The following FOXN3 variants were observed in gnomAD, a reference collection of about 807,000 sequenced individuals.
FOXN3 encodes the protein forkhead box N3.
A neutral mutation model predicts 38.4 loss-of-function variants in FOXN3; 7 were observed. That is an observed-to-expected ratio of 0.18 (90% confidence interval 0.10 to 0.34). The LOEUF (loss-of-function observed/expected upper bound fraction) is 0.34. Ranked by LOEUF, FOXN3 falls within the 10% of genes least tolerant of loss-of-function variation. FOXN3 has a pLI of 1.00. For missense variants in FOXN3, 456 were observed against 613.4 expected, an observed-to-expected ratio of 0.74 and a Z score of 2.71; for synonymous variants, 230 against 242.2, an observed-to-expected ratio of 0.95 and a Z score of 0.47.
intron 4 of FOXN3, among the ~76,000 whole-genome samples, chr14:89,260,253 A>T (rs116550430): frequency 0.02 from 3,115 of 152,308 alleles, 108 homozygotes; most frequent in African/African-American, 0.071. Flanking sequence ...CTGCTTTCAA[A>T]TGTGATCAAC....
At chr14:89,424,588 G>A (rs537685611) in intron 1 of FOXN3, among the ~76,000 whole-genome samples, 1 of 152,154 alleles carries the variant, frequency 6.6e-6, no homozygotes, top group South Asian at 2.1e-4. Flanking sequence ...TTAAGAATTT[G>A]TGGGGGAAGG....
At chr14:89,241,709 A>T (rs910021987) in intron 4 of FOXN3, among the ~76,000 whole-genome samples, 9 of 152,192 alleles carry the variant, frequency 5.9e-5, no homozygotes, top group Admixed American at 3.3e-4. Context: ...TCAGAATCCC[A>T]CGCTCCTGCC....
In FOXN3 at chr14:89,412,805, G is replaced by C. The variant is rs548334433; in HGVS notation, c.-14-315C>G. On this transcript the variant is annotated intron_variant, in intron 1 of 5. Coordinates refer to ENST00000557258, the MANE Select transcript of FOXN3 (RefSeq NM_005197.4). This position sits in a 1 kb window ranked among gnomAD's most constrained non-coding sequence, Gnocchi z 4.7. ...TCCCAGCACTTTGGGAGGCTGAGGCGGGACGATTGCTTGAGACCAGGAGAC... is the reference window on the plus strand; with the variant it reads ...TCCCAGCACTTTGGGAGGCTGAGGCCGGACGATTGCTTGAGACCAGGAGAC... 6.6e-6 allele frequency among the ~76,000 whole-genome samples: 1 copy of C among 152,086 alleles called. No individual in the cohort carries two copies. The highest frequency in any genetic ancestry group is 1.5e-5 in the Non-Finnish European group (1 of 68,008).
chr14:89,563,935 C>T (rs1459557410), intron 1 of FOXN3, among the ~76,000 whole-genome samples: 6 of 152,216 alleles, frequency 3.9e-5, no homozygotes, highest in African/African-American at 9.6e-5. Flanking sequence ...CTGCAAACTC[C>T]GCCTCCCAGG....
chr14:89,241,133 C>T (rs1885128644), intron 4 of FOXN3, among the ~76,000 whole-genome samples: 1 of 152,162 alleles, frequency 6.6e-6, no homozygotes, highest in African/African-American at 2.4e-5. Context: ...AGTGGCTGAG[C>T]CAGACACTCC....
chr14:89,285,924 T>C (rs1452655782), intron 3 of FOXN3, among the ~76,000 whole-genome samples: 1 of 151,318 alleles, frequency 6.6e-6, no homozygotes, highest in East Asian at 1.9e-4. Context: ...TGGAGTGTCG[T>C]GGCACAATCT....
chr14:89,257,074 C>T (rs1177694772), intron 4 of FOXN3, among the ~76,000 whole-genome samples: 2 of 152,210 alleles, frequency 1.3e-5, no homozygotes, highest in African/African-American at 4.8e-5. Flanking sequence ...ACAAACCCCT[C>T]CTTAACCACC....
intron 2 of FOXN3, chr14:89,364,510 C>G (rs758413539): frequency 5.9e-5 from 9 of 152,344 alleles, no homozygotes; most frequent in Non-Finnish European, 8.8e-5. Flanking sequence ...GAGGCTCTGG[C>G]GCCCTGCAGA....
intron 4 of FOXN3, among the ~76,000 whole-genome samples, chr14:89,193,757 T>C (rs1888025375): frequency 6.6e-6 from 1 of 152,226 alleles, no homozygotes; most frequent in African/African-American, 2.4e-5. Context: ...CTGGTAAATG[T>C]ATATTTAGCT....
chr14:89,269,238 G>A (rs1198257607), intron 4 of FOXN3, among the ~76,000 whole-genome samples: 1 of 152,154 alleles, frequency 6.6e-6, no homozygotes, highest in African/African-American at 2.4e-5. Context: ...CCTACGGAAA[G>A]AGGGGCCAAC....
chr14:89,480,301 G>A (rs1893299597), intron 1 of FOXN3, among the ~76,000 whole-genome samples: 2 of 152,106 alleles, frequency 1.3e-5, no homozygotes, highest in South Asian at 4.1e-4. Context: ...TACTCGGGAG[G>A]CTGAAGCAGG....
chr14:89,508,649 C>T (rs1425813681), intron 1 of FOXN3, among the ~76,000 whole-genome samples: 1 of 152,194 alleles, frequency 6.6e-6, no homozygotes, highest in Non-Finnish European at 1.5e-5. Context: ...TGAGCAGCCC[C>T]CAGGGCTTCT....
intron 4 of FOXN3, among the ~76,000 whole-genome samples, chr14:89,276,507 TGA>T (rs1384850564): frequency 2.7e-5 from 4 of 149,284 alleles, no homozygotes; most frequent in African/African-American, 9.7e-5. Flanking sequence ...TCATCTGTGC[TGA>T]GAGTGGCTGG....
At position 89,163,046 on chromosome 14, in the gene FOXN3, G is replaced by A. The variant is rs3742680; in HGVS notation, c.852-77C>T. The A allele has an allele frequency of 0.16, 208,567 of 1,340,660 alleles. 18,920 individuals are homozygous for A. Among genetic ancestry groups the A allele is most frequent in the East Asian group, 0.43 (16,871 of 39,190 alleles). 83.0% of individuals were successfully genotyped at this position (1,340,660 alleles called of 1,614,324 possible). A position where few individuals can be genotyped will look rare whatever the true frequency, so the allele number is the denominator to read the frequency against. On this transcript the variant is annotated intron_variant, in intron 5 of 5. Transcript: ENST00000557258. The surrounding 1 kb of genome is among the most constrained non-coding windows in gnomAD (Gnocchi z 4.3). ...TAGACGTCCTCAGATGGGGGCACCC[G>A]GCAGCCCGCCTGCATTCAACCATCA...
At chr14:89,465,364 G>A (rs969646313) in intron 1 of FOXN3, among the ~76,000 whole-genome samples, 14 of 152,160 alleles carry the variant, frequency 9.2e-5, no homozygotes, top group Non-Finnish European at 1.9e-4. Context: ...CAAGTAGCTG[G>A]GACTACAGGC....
Position 89,548,844 on chromosome 14 carries a change from C to T in FOXN3, c.-15+70184G>A, listed in dbSNP as rs972212399. Among the ~76,000 whole-genome samples the T allele has an allele frequency of 6.6e-6, 1 of 152,068 alleles. No homozygotes were observed. The highest frequency in any genetic ancestry group is 1.5e-5 in the Non-Finnish European group (1 of 68,022). ...ATTCAGTTTTTTATAATGTGCCGGG[C>T]GCGGTGGCTCACGCCTGTAATCCCA... On this transcript the variant is annotated intron_variant, in intron 1 of 6. Transcript: ENST00000345097. The surrounding 1 kb of genome is among the most constrained non-coding windows in gnomAD (Gnocchi z 4.8).
intron 1 of FOXN3, among the ~76,000 whole-genome samples, chr14:89,525,384 C>T (rs1020140630): frequency 2.0e-5 from 3 of 152,194 alleles, no homozygotes; most frequent in African/African-American, 7.2e-5. Context: ...CCCACCAGCA[C>T]TATGACTATT....
chr14:89,554,782 C>CTTTTTTTTTTTTTT (rs34530866), intron 1 of FOXN3, among the ~76,000 whole-genome samples: 4 of 68,568 alleles, frequency 5.8e-5, no homozygotes, highest in African/African-American at 2.0e-4. Flanking sequence ...ACTAGCATTT[C>CTTTTTTTTTTTTTT]TTTTTTTTTT....
intron 3 of FOXN3, among the ~76,000 whole-genome samples, chr14:89,319,250 A>G (rs1209002364): frequency 1.3e-5 from 2 of 152,166 alleles, no homozygotes; most frequent in African/African-American, 4.8e-5. Flanking sequence ...GACTCACAGG[A>G]CACAGCGTAC....
Sources: gnomAD v4.1 joint callset for allele counts (sites outside exome capture counted in the v4.1 genomes callset) on GRCh38, gnomAD v4.1.1 for gene constraint, Gnocchi (gnomAD v3.1) non-coding constraint, MANE v1.5 for transcripts, NCBI Gene and HGNC (gene_info 2026-07-23, HGNC 2026-07-21) for gene names.